KHDRBS2: variants seen among roughly 807,000 people sequenced by gnomAD.
KHDRBS2 encodes KH RNA binding domain containing, signal transduction associated 2.
Under a neutral mutation model 44.3 loss-of-function variants are expected in KHDRBS2, and 26 were observed. The observed-to-expected ratio is 0.59, with a 90% CI of 0.43 to 0.81. The LOEUF is 0.81. Among genes scored for constraint, KHDRBS2 ranks in the 40% least tolerant of loss-of-function variants. The pLI is 0.00. For missense variants in KHDRBS2, 476 were observed against 433.1 expected, an observed-to-expected ratio of 1.10 and a Z score of -0.88; for synonymous variants, 194 against 151.1, an observed-to-expected ratio of 1.28 and a Z score of -2.08.
At chr6:61,671,728 C>T in the KHDRBS2 span, among the ~76,000 whole-genome samples, 3 of 151,614 alleles carry the variant, frequency 2.0e-5, no homozygotes, top group Non-Finnish European at 4.4e-5. Flanking sequence ...ACAGGAAATG[C>T]CTTTTAAAAA....
intron 6 of KHDRBS2, 53 bp from the exon 7 acceptor site, chr6:61,732,817 T>A: frequency 2.1e-6 from 2 of 968,146 alleles, no homozygotes; most frequent in Non-Finnish European, 1.7e-6. Flanking sequence ...TTAACTTTGA[T>A]CTGTTTTCAG....
intron 4 of KHDRBS2, among the ~76,000 whole-genome samples, chr6:61,957,296 C>T (rs559249449): frequency 6.6e-6 from 1 of 152,168 alleles, no homozygotes; most frequent in African/African-American, 2.4e-5. Context: ...AATCTGGGCA[C>T]CTTGATAAAA....
chr6:61,926,245 G>A (rs1808952933), intron 4 of KHDRBS2, among the ~76,000 whole-genome samples: 1 of 152,106 alleles, frequency 6.6e-6, no homozygotes, highest in Non-Finnish European at 1.5e-5. Context: ...TAACTGTGCA[G>A]GAAGTATTAC....
At chr6:61,574,211 C>G in the KHDRBS2 span, 1 of 731,066 alleles carries the variant, frequency 1.4e-6, no homozygotes, top group Non-Finnish European at 2.4e-6. Context: ...AACATCACCT[C>G]TAGCATTACC....
chr6:62,221,743 G>GA (rs970879325), intron 1 of KHDRBS2, among the ~76,000 whole-genome samples: 2 of 151,200 alleles, frequency 1.3e-5, no homozygotes, highest in East Asian at 1.9e-4. Context: ...AAGTCAATCA[G>GA]AAAAAAAAGG....
chr6:61,682,176 G>T (rs1766378716), intron 8 of KHDRBS2, among the ~76,000 whole-genome samples: 1 of 151,864 alleles, frequency 6.6e-6, no homozygotes, highest in Admixed American at 6.6e-5. Context: ...TACTAGAAAA[G>T]CATAAAAAAT....
intron 2 of KHDRBS2, among the ~76,000 whole-genome samples, chr6:62,153,296 T>G (rs1341154233): frequency 6.6e-6 from 1 of 152,128 alleles, no homozygotes; most frequent in African/African-American, 2.4e-5. Flanking sequence ...AATGATGAAA[T>G]TCCTTAATGT....
At chr6:61,562,155 A>G in the KHDRBS2 span, among the ~76,000 whole-genome samples, 1 of 152,194 alleles carries the variant, frequency 6.6e-6, no homozygotes, top group East Asian at 1.9e-4. Flanking sequence ...AAAATATCAT[A>G]AAAATTCAAA....
At chr6:62,126,080 T>C (rs1426163347) in intron 2 of KHDRBS2, among the ~76,000 whole-genome samples, 2 of 152,270 alleles carry the variant, frequency 1.3e-5, no homozygotes, top group Admixed American at 6.5e-5. Context: ...TGGATGGCAT[T>C]TCTGAACGTG....
intron 7 of KHDRBS2, 55 bp downstream of exon 7, chr6:61,732,627 C>G: frequency 9.8e-7 from 1 of 1,016,066 alleles, no homozygotes; most frequent in Non-Finnish European, 1.5e-6. Context: ...ATTCAAGAAA[C>G]AAAATTGATT....
chr6:61,899,647 T>G (rs1305842470), intron 5 of KHDRBS2, among the ~76,000 whole-genome samples: 2 of 151,688 alleles, frequency 1.3e-5, no homozygotes, highest in East Asian at 3.9e-4. Flanking sequence ...GATGCAAAAT[T>G]CTACTAACGG....
At chr6:61,646,318 C>G in the KHDRBS2 span, among the ~76,000 whole-genome samples, 3 of 152,262 alleles carry the variant, frequency 2.0e-5, no homozygotes, top group Middle Eastern at 3.4e-3. Flanking sequence ...CCCAGAGTAA[C>G]AAGTCTCTTA....
intron 3 of KHDRBS2, among the ~76,000 whole-genome samples, chr6:62,041,656 A>G (rs1034697422): frequency 1.3e-5 from 2 of 152,152 alleles, no homozygotes; most frequent in African/African-American, 4.8e-5. Flanking sequence ...TTTTCTGTAT[A>G]TAAAACTTGG....
At chr6:62,246,261 G>A (rs1835556785) in intron 1 of KHDRBS2, among the ~76,000 whole-genome samples, 1 of 151,498 alleles carries the variant, frequency 6.6e-6, no homozygotes, top group African/African-American at 2.4e-5. Context: ...CTACAAAAGA[G>A]GATACAGGCA....
intron 4 of KHDRBS2, among the ~76,000 whole-genome samples, chr6:61,945,769 G>GAA (rs553416854): frequency 6.7e-6 from 1 of 148,876 alleles, no homozygotes; most frequent in African/African-American, 2.5e-5. Context: ...AAAAACCCAT[G>GAA]AAAAAAAAAT....
intron 2 of KHDRBS2, among the ~76,000 whole-genome samples, chr6:62,113,136 CTAT>C (rs1363905926): frequency 1.3e-5 from 2 of 152,066 alleles, no homozygotes; most frequent in African/African-American, 4.8e-5. Flanking sequence ...AACTGTGTCA[CTAT>C]AAGAGCCACA....
At chr6:62,271,039 T>TAAATCC (rs1452467394) in intron 1 of KHDRBS2, among the ~76,000 whole-genome samples, 1 of 152,152 alleles carries the variant, frequency 6.6e-6, no homozygotes, top group Admixed American at 6.6e-5. Context: ...AATGACCTGG[T>TAAATCC]AAATCCACAA....
chr6:62,062,895 G>GA (rs1411146047), intron 2 of KHDRBS2, among the ~76,000 whole-genome samples: 2 of 147,560 alleles, frequency 1.4e-5, no homozygotes, highest in African/African-American at 2.5e-5. Context: ...GACTAATAAA[G>GA]AAAAAAAGAG....
intron 2 of KHDRBS2, among the ~76,000 whole-genome samples, chr6:62,075,833 C>T (rs1301019130): frequency 6.6e-6 from 1 of 151,672 alleles, no homozygotes; most frequent in Non-Finnish European, 1.5e-5. Flanking sequence ...ACTCCAAAGC[C>T]TCTCTGTGGT....
Sources: allele counts gnomAD v4.1 joint callset (sites outside exome capture counted in the v4.1 genomes callset), GRCh38; gene constraint gnomAD v4.1.1; transcripts MANE v1.5; gene names NCBI Gene and HGNC (gene_info 2026-07-23, HGNC 2026-07-21).